The following MICU2 variants were observed in gnomAD, a reference collection of about 807,000 sequenced individuals.
The protein encoded by MICU2 is calcium uptake protein 2, mitochondrial.
A neutral mutation model predicts 60.4 loss-of-function variants in MICU2; 64 were observed. That is an observed-to-expected ratio of 1.06 (90% CI 0.87 to 1.31). The LOEUF (loss-of-function observed/expected upper bound fraction) is 1.31, where lower values mean the gene tolerates loss of function less well. Among genes scored for constraint, MICU2 ranks in the 50% most tolerant of loss-of-function variants. The probability of loss-of-function intolerance (pLI) is 0.00; values close to 1 mark genes in which losing one functional copy is unlikely to be tolerated. For missense variants in MICU2, 569 were observed against 531.0 expected (o/e 1.07, Z -0.70); for synonymous variants, 201 against 175.0 (o/e 1.15, Z -1.17).
chr13:21,493,417 A>G, intron 11 of MICU2, 64 bp from the exon 12 acceptor site: 1 of 1,098,178 alleles, frequency 9.1e-7, no homozygotes, highest in Non-Finnish European at 1.3e-6. Flanking sequence ...TTTCATATAT[A>G]CTTTACGTTA....
At chr13:21,506,358 C>T (rs1211082915) in intron 8 of MICU2, among the ~76,000 whole-genome samples, 1 of 152,168 alleles carries the variant, frequency 6.6e-6, no homozygotes, top group African/African-American at 2.4e-5. Flanking sequence ...TCACCCACAA[C>T]CTCAGCTCTA....
intron 1 of MICU2, among the ~76,000 whole-genome samples, chr13:21,600,242 C>T (rs112076297): frequency 2.0e-4 from 30 of 152,278 alleles, no homozygotes; most frequent in African/African-American, 7.0e-4. Context: ...CAATTTTGAA[C>T]CCCATCTTTT....
intron 2 of MICU2, among the ~76,000 whole-genome samples, chr13:21,561,535 A>G (rs1373708961): frequency 6.6e-6 from 1 of 150,884 alleles, no homozygotes; most frequent in Non-Finnish European, 1.5e-5. Flanking sequence ...GTACTCACCC[A>G]TTAAAAAAAA....
chr13:21,512,606 C>A (rs747193049), intron 7 of MICU2, among the ~76,000 whole-genome samples: 53 of 151,920 alleles, frequency 3.5e-4, no homozygotes, highest in Non-Finnish European at 6.6e-4. Flanking sequence ...CGCCACCAGG[C>A]CCAGCTAATT....
At chr13:21,551,379 A>T (rs1359991501) in intron 2 of MICU2, 1 of 152,344 alleles carries the variant, frequency 6.6e-6, no homozygotes, top group Non-Finnish European at 1.5e-5. Context: ...GTATTTTTCC[A>T]ATTTTAGTAT....
intron 2 of MICU2, among the ~76,000 whole-genome samples, chr13:21,566,154 C>T (rs1290735444): frequency 1.3e-5 from 2 of 152,158 alleles, no homozygotes; most frequent in Non-Finnish European, 2.9e-5. Flanking sequence ...ATCTATACTA[C>T]TCTGACTGCT....
At chr13:21,494,132 T>C (rs1885931470) in intron 11 of MICU2, among the ~76,000 whole-genome samples, 1 of 152,212 alleles carries the variant, frequency 6.6e-6, no homozygotes, top group Non-Finnish European at 1.5e-5. Flanking sequence ...TATTTATGGG[T>C]GTTGGATAAC....
Position 21,604,131 on chromosome 13 carries a change from A to AC in MICU2, c.17dup (p.Ser7Ter), listed in dbSNP as rs1344994716. On this transcript the variant is annotated frameshift_variant, in exon 1 of 12. Transcript: ENST00000382374. LOFTEE classifies it high-confidence loss of function. ...CCCAGGCCGCCACCCGCGCGCAGCT[A>AC]CCCGCAGCCGCCGCCATCTTTGCGG... The AC allele has an allele frequency of 6.4e-7, 1 of 1,564,352 alleles. No individual in the cohort carries two copies. Among genetic ancestry groups the AC allele is most frequent in the Admixed American group, 1.8e-5 (1 of 54,910 alleles).
chr13:21,600,514 C>T (rs1042487142), intron 1 of MICU2, among the ~76,000 whole-genome samples: 4 of 152,194 alleles, frequency 2.6e-5, no homozygotes, highest in Admixed American at 2.0e-4. Flanking sequence ...ACTGTAAGCA[C>T]ATAAACTGTG....
In MICU2 at chr13:21,493,099, T is replaced by C. The variant is rs1593309684; in HGVS notation, c.*150A>G. 1 of 477,594 alleles carries C rather than the reference T, an allele frequency of 2.1e-6. No homozygotes were observed. Among genetic ancestry groups the C allele is most frequent in the East Asian group, 3.5e-5 (1 of 28,480 alleles). The allele number at this position is 477,594 out of a possible 1,614,324, so 29.6% of individuals were successfully genotyped here. A position where few individuals can be genotyped will look rare whatever the true frequency, so the allele number is the denominator to read the frequency against. ...CTTTTCTTTCTACTAAGTTCTTTAA[T>C]AAAATTATGAATCAGAAAGCAAGTA... On this transcript the variant is annotated 3_prime_UTR_variant, in exon 12 of 12. Transcript: ENST00000382374.
In MICU2 at chr13:21,514,366, T is replaced by C. The variant is rs1006829355; in HGVS notation, c.650A>G (p.Glu217Gly). 5.0e-6 allele frequency: 8 copies of C among 1,612,500 alleles called. No homozygotes were observed. The highest frequency in any genetic ancestry group is 1.7e-4 in the Middle Eastern group (1 of 6,052). Residue 217 changes from glutamate (E) to glycine (G), a missense_variant, in exon 7 of 12, where the codon GAA (glutamate) becomes GGA (glycine). Transcript: ENST00000382374. ...ATCTGTACATACCTGATATCCAGTT[T>C]CATTAGTTTTCACTGTCATCAAGTC... ...QDDLMTVKTN[E>G]TGYQEAIVKE...
intron 1 of MICU2, among the ~76,000 whole-genome samples, chr13:21,593,589 A>AC (rs1257982016): frequency 3.3e-5 from 5 of 150,228 alleles, no homozygotes; most frequent in East Asian, 3.9e-4. Flanking sequence ...AAAAAAAAAA[A>AC]AAAAACAAAG....
intron 4 of MICU2, among the ~76,000 whole-genome samples, chr13:21,538,382 C>T (rs571131400): frequency 2.0e-5 from 3 of 151,942 alleles, no homozygotes; most frequent in Middle Eastern, 3.4e-3. Flanking sequence ...CCAGCCTGAG[C>T]AATGTAGTGA....
At chr13:21,493,448 C>T in intron 11 of MICU2, 95 bp from the exon 12 acceptor site, 1 of 809,460 alleles carries the variant, frequency 1.2e-6, no homozygotes, top group Non-Finnish European at 1.9e-6. Context: ...CCTTCCCACA[C>T]TCCTCCAAAA....
intron 1 of MICU2, among the ~76,000 whole-genome samples, chr13:21,569,106 G>C (rs1028957175): frequency 6.6e-5 from 10 of 152,126 alleles, no homozygotes; most frequent in African/African-American, 1.9e-4. Flanking sequence ...TTCAGAGGTT[G>C]ATTTCCGAGC....
Position 21,502,460 on chromosome 13 carries a change from A to G in MICU2, c.933+466T>C, listed in dbSNP as rs1426396376. Among the ~76,000 whole-genome samples, 3 of 152,156 alleles carry G rather than the reference A, an allele frequency of 2.0e-5. No homozygotes were observed. In the East Asian group the frequency reaches 5.8e-4, roughly 29 times the overall value. The stretch of plus-strand genomic sequence containing the variant: ...ATTACATTTTCTACTTGTAATTTGT[A>G]TATAGGAGAGCTGCTGCTGCTTATA... On this transcript the variant is annotated intron_variant, in intron 9 of 11. Transcript: ENST00000382374.
At chr13:21,569,659 T>C (rs995854200) in intron 1 of MICU2, among the ~76,000 whole-genome samples, 4 of 151,724 alleles carry the variant, frequency 2.6e-5, no homozygotes, top group Non-Finnish European at 4.4e-5. Context: ...TATACTGTAG[T>C]ATTATATATT....
chr13:21,566,741 T>C, intron 2 of MICU2, 56 bp downstream of exon 2: 1 of 1,434,604 alleles, frequency 7.0e-7, no homozygotes, highest in East Asian at 2.5e-5. Context: ...GAAAAACAGG[T>C]TTTTCAGCCC....
At chr13:21,517,293 T>C (rs1171645521) in intron 6 of MICU2, among the ~76,000 whole-genome samples, 2 of 152,244 alleles carry the variant, frequency 1.3e-5, no homozygotes, top group East Asian at 1.9e-4. Flanking sequence ...CAAATCACTT[T>C]GTTACATTTA....
Sources: gnomAD v4.1 joint callset for allele counts (sites outside exome capture counted in the v4.1 genomes callset) on GRCh38, gnomAD v4.1.1 for gene constraint, MANE v1.5 for transcripts, NCBI Gene and HGNC (gene_info 2026-07-23, HGNC 2026-07-21) for gene names.